SASH1: variants seen among roughly 807,000 people sequenced by gnomAD.
SASH1 encodes SAM and SH3 domain containing 1, also known as SAM and SH3 domain-containing protein 1.
A neutral mutation model predicts 125.2 loss-of-function variants in SASH1; 44 were observed. The observed-to-expected ratio is 0.35, with a 90% CI of 0.28 to 0.45. The LOEUF is 0.45. SASH1 is among the 20% of genes least tolerant of loss of function. SASH1 has a pLI of 1.00. For missense variants in SASH1, 1,426 were observed against 1,614.5 expected (o/e 0.88, Z 2.00); for synonymous variants, 639 against 649.1 (o/e 0.98, Z 0.24).
At chr6:148,358,282 T>C (rs904056017) in intron 1 of SASH1, among the ~76,000 whole-genome samples, 11 of 152,168 alleles carry the variant, frequency 7.2e-5, no homozygotes, top group Non-Finnish European at 1.5e-4. Context: ...AGGTCACCGA[T>C]GGCTCCCAAG....
At chr6:148,499,986 A>G (rs1779495207) in intron 8 of SASH1, among the ~76,000 whole-genome samples, 1 of 152,194 alleles carries the variant, frequency 6.6e-6, no homozygotes. Flanking sequence ...TATAGAGAGA[A>G]GCAACTATTA....
upstream of SASH1, among the ~76,000 whole-genome samples, chr6:148,339,509 T>G (rs1204578047): frequency 2.0e-5 from 3 of 151,206 alleles, no homozygotes; most frequent in African/African-American, 4.8e-5. Flanking sequence ...TATGTGTGTG[T>G]ATATATATAG....
chr6:148,253,588 A>G, the SASH1 span, among the ~76,000 whole-genome samples: 8 of 152,100 alleles, frequency 5.3e-5, no homozygotes, highest in Non-Finnish European at 8.8e-5. Context: ...TAAAAGACCC[A>G]TTGGCCGGGT....
At chr6:148,475,989 A>G (rs910457708) in intron 7 of SASH1, among the ~76,000 whole-genome samples, 2 of 152,206 alleles carry the variant, frequency 1.3e-5, no homozygotes, top group Admixed American at 6.5e-5. Flanking sequence ...GTTATTCCAC[A>G]TAGTACTGAA....
At chr6:148,430,500 A>G (rs1253300827) in intron 2 of SASH1, among the ~76,000 whole-genome samples, 2 of 151,818 alleles carry the variant, frequency 1.3e-5, no homozygotes, top group African/African-American at 4.8e-5. Flanking sequence ...CCTGGCTAAT[A>G]TTTGTATTTT....
At chr6:148,441,144 C>A (rs1237068458) in intron 4 of SASH1, among the ~76,000 whole-genome samples, 1 of 152,228 alleles carries the variant, frequency 6.6e-6, no homozygotes, top group East Asian at 1.9e-4. Flanking sequence ...GTCCACATCT[C>A]TAAACAGACG....
At chr6:148,344,584 T>C (rs965658586) in intron 1 of SASH1, among the ~76,000 whole-genome samples, 10 of 152,200 alleles carry the variant, frequency 6.6e-5, no homozygotes, top group African/African-American at 2.4e-4. Context: ...GCAATGTATA[T>C]TTACATACTA....
Position 148,534,737 on chromosome 6 carries a change from TCTCC to T in SASH1, c.1945-10_1945-7del, listed in dbSNP as rs1412113179. 5.0e-6 allele frequency: 8 copies of T among 1,613,984 alleles called. No individual in the cohort carries two copies. In the African/African-American group the frequency reaches 1.1e-4, roughly 22 times the overall value. ...CTGGCTGACACCCTTCTGTCTTCCT[TCTCC>T]CTCTCACAGGAGCACATGCCCACTT... On this transcript the variant is annotated splice_polypyrimidine_tract_variant and intron_variant, in intron 15 of 19. Transcript: ENST00000367467.
chr6:148,449,303 C>T (rs1365487773), intron 4 of SASH1, among the ~76,000 whole-genome samples: 2 of 151,514 alleles, frequency 1.3e-5, no homozygotes, highest in African/African-American at 4.8e-5. Context: ...CTCCTGATCT[C>T]AAGTGATCCA....
In SASH1 at chr6:148,394,452, T is replaced by C. The variant is rs143445972; in HGVS notation, c.285+4190T>C. On this transcript the variant is annotated intron_variant, in intron 2 of 19. Coordinates refer to ENST00000367467, the MANE Select transcript of SASH1 (RefSeq NM_015278.5). Reference sequence around the variant, plus strand: ...GGGAACTCATTTCCTTGAAAAGCTGTGACTTCCAGTCTGTCATGTTCCCTT... The same window carrying C: ...GGGAACTCATTTCCTTGAAAAGCTGCGACTTCCAGTCTGTCATGTTCCCTT... 6.3e-3 allele frequency among the ~76,000 whole-genome samples: 954 copies of C among 152,328 alleles called. 16 individuals are homozygous for C. Among genetic ancestry groups the C allele is most frequent in the African/African-American group, 0.022 (906 of 41,580 alleles).
Position 148,529,802 on chromosome 6 carries a change from T to TTTTTTG in SASH1, c.1429-1707_1429-1702dup, listed in dbSNP as rs11372627. 3.9e-5 allele frequency among the ~76,000 whole-genome samples: 6 copies of TTTTTTG among 151,928 alleles called. No homozygotes were observed. Among genetic ancestry groups the TTTTTTG allele is most frequent in the Non-Finnish European group, 4.4e-5 (3 of 68,002 alleles). On this transcript the variant is annotated intron_variant, in intron 12 of 19. Transcript: ENST00000367467. The surrounding 1 kb of genome is among the most constrained non-coding windows in gnomAD (Gnocchi z 4.2). The stretch of plus-strand genomic sequence containing the variant: ...ATGGAAGGTTTTATGTGGTTGTTTT[T>TTTTTTG]TTTTTGTTTTTGTTTTTGTTTTGAG...
At chr6:148,313,822 T>G (rs749253224) in intron 1 of SASH1, among the ~76,000 whole-genome samples, 4 of 152,214 alleles carry the variant, frequency 2.6e-5, no homozygotes, top group Non-Finnish European at 5.9e-5. Context: ...TCAACTGGCT[T>G]GAACACATTG....
intron 4 of SASH1, among the ~76,000 whole-genome samples, chr6:148,457,297 A>G (rs1777408145): frequency 6.6e-6 from 1 of 151,474 alleles, no homozygotes; most frequent in African/African-American, 2.4e-5. Flanking sequence ...TTGCACTTTC[A>G]GTACCGGTAA....
At chr6:148,237,447 A>G in the SASH1 span, 4 of 152,196 alleles carry the variant, frequency 2.6e-5, no homozygotes, top group African/African-American at 9.6e-5. Context: ...TATATCGCAT[A>G]AGGTACCTGC....
At chr6:148,242,149 A>G in the SASH1 span, among the ~76,000 whole-genome samples, 1 of 152,208 alleles carries the variant, frequency 6.6e-6, no homozygotes, top group East Asian at 1.9e-4. Context: ...GTCTCTTGCT[A>G]TTTACATGCA....
At chr6:148,368,753 TGCGCGCGCAC>T (rs1330922733) in intron 1 of SASH1, among the ~76,000 whole-genome samples, 1 of 31,284 alleles carries the variant, frequency 3.2e-5, no homozygotes, top group Admixed American at 4.0e-4. Flanking sequence ...CTCCCCCACA[TGCGCGCGCAC>T]GCGCGCGCAC....
intron 1 of SASH1, among the ~76,000 whole-genome samples, chr6:148,364,475 G>A (rs969221849): frequency 1.3e-5 from 2 of 152,150 alleles, no homozygotes; most frequent in Non-Finnish European, 2.9e-5. Flanking sequence ...GCTCAGCGAT[G>A]GATTACAAAA....
intron 1 of SASH1, among the ~76,000 whole-genome samples, chr6:148,387,524 TTTC>T (rs1783429318): frequency 6.7e-6 from 1 of 149,858 alleles, no homozygotes; most frequent in Non-Finnish European, 1.5e-5. Flanking sequence ...TCCTTCTTTC[TTTC>T]TTTCTTCTTT....
chr6:148,478,354 A>C (rs930508561), intron 7 of SASH1, among the ~76,000 whole-genome samples: 2 of 152,230 alleles, frequency 1.3e-5, no homozygotes, highest in African/African-American at 4.8e-5. Flanking sequence ...ATAAAAAAGA[A>C]TGAGTCTCTG....
Sources: allele counts gnomAD v4.1 joint callset (sites outside exome capture counted in the v4.1 genomes callset), GRCh38; gene constraint gnomAD v4.1.1; non-coding constraint Gnocchi (gnomAD v3.1); transcripts MANE v1.5; gene names NCBI Gene and HGNC (gene_info 2026-07-23, HGNC 2026-07-21).